The following LAMA2 variants were observed in gnomAD, a reference collection of about 807,000 sequenced individuals.
LAMA2 encodes laminin subunit alpha-2.
Under a neutral mutation model 364.8 loss-of-function variants are expected in LAMA2, and 269 were observed. The ratio of observed to expected loss-of-function variants is 0.74; its 90% CI spans 0.67 to 0.82. LAMA2 has a LOEUF of 0.82. Ranked by LOEUF, LAMA2 falls within the 40% of genes least tolerant of loss-of-function variation. The pLI, the probability that LAMA2 is intolerant of heterozygous loss-of-function variation, is 0.00. For missense variants in LAMA2, 3,807 were observed against 3,873.2 expected (o/e 0.98, Z 0.45); for synonymous variants, 1,379 against 1,370.6 (o/e 1.01, Z -0.14).
At chr6:129,492,127 G>A (rs766090198) in intron 57 of LAMA2, 50 bp downstream of exon 57, 1 of 1,538,294 alleles carries the variant, frequency 6.5e-7, no homozygotes, top group Admixed American at 1.7e-5. Flanking sequence ...TTTATTTCTT[G>A]CTATTAGGGG....
intron 4 of LAMA2, among the ~76,000 whole-genome samples, chr6:129,109,043 A>G (rs1252783195): frequency 1.3e-5 from 2 of 152,094 alleles, no homozygotes. Flanking sequence ...CTTCCTTCCA[A>G]TATACCTGTA....
chr6:129,383,096 T>C lies in LAMA2; in HGVS notation c.4960-26T>C, dbSNP rs1203370892. 4 of 1,573,856 alleles carry C rather than the reference T, an allele frequency of 2.5e-6. No individual in the cohort carries two copies. In the African/African-American group the frequency reaches 4.0e-5, roughly 16 times the overall value. ...GTAGCTTCATCATCTCTATTAATTA[T>C]GTGTTTCCCGAATTTGGATCATTAG... On this transcript the variant is annotated intron_variant, in intron 34 of 64. Coordinates refer to ENST00000421865, the MANE Select transcript of LAMA2 (RefSeq NM_000426.4).
chr6:129,338,285 T>A (rs1339323424), intron 29 of LAMA2, among the ~76,000 whole-genome samples: 1 of 152,200 alleles, frequency 6.6e-6, no homozygotes, highest in Non-Finnish European at 1.5e-5. Context: ...TTGTTGAAGA[T>A]CCCATGTATT....
chr6:129,156,074 G>A (rs930056329), intron 8 of LAMA2, among the ~76,000 whole-genome samples: 8 of 151,674 alleles, frequency 5.3e-5, no homozygotes, highest in Admixed American at 3.9e-4. Context: ...AAAATGCTGA[G>A]AGTAGATTTT....
intron 1 of LAMA2, among the ~76,000 whole-genome samples, chr6:128,976,554 G>T (rs1043779633): frequency 6.6e-6 from 1 of 152,112 alleles, no homozygotes; most frequent in Non-Finnish European, 1.5e-5. Flanking sequence ...GCTTGAGGGT[G>T]TACTCTACAT....
chr6:129,401,066 C>G (rs572392890), intron 37 of LAMA2, among the ~76,000 whole-genome samples, 158 bp from the exon 38 acceptor site: 1 of 152,324 alleles, frequency 6.6e-6, no homozygotes, highest in South Asian at 2.1e-4. Context: ...TCTTCAAGGA[C>G]TGGCTAAGTA....
intron 1 of LAMA2, among the ~76,000 whole-genome samples, chr6:128,911,343 G>A (rs374295633): frequency 4.6e-5 from 7 of 152,164 alleles, no homozygotes; most frequent in Admixed American, 1.3e-4. Context: ...CTCGTGGTTC[G>A]CCGTTTTTTA....
At chr6:129,062,602 C>T (rs771710234) in intron 3 of LAMA2, among the ~76,000 whole-genome samples, 13 of 152,108 alleles carry the variant, frequency 8.5e-5, no homozygotes, top group Non-Finnish European at 1.6e-4. Context: ...AATGGCAAAG[C>T]TTCTGTCTTT....
chr6:129,064,561 A>G (rs182574456), intron 3 of LAMA2, among the ~76,000 whole-genome samples: 1 of 152,216 alleles, frequency 6.6e-6, no homozygotes, highest in Admixed American at 6.5e-5. Flanking sequence ...TAAACTTTCT[A>G]AGAAAAAAGA....
At chr6:129,490,382 A>G (rs1784800331) in intron 56 of LAMA2, among the ~76,000 whole-genome samples, 1 of 152,170 alleles carries the variant, frequency 6.6e-6, no homozygotes, top group Non-Finnish European at 1.5e-5. Context: ...CTCATTCTCC[A>G]TCACCACCCT....
At chr6:129,203,921 C>G (rs1414039302) in intron 12 of LAMA2, among the ~76,000 whole-genome samples, 2 of 152,202 alleles carry the variant, frequency 1.3e-5, no homozygotes, top group African/African-American at 4.8e-5. Flanking sequence ...CCTTAGCACA[C>G]AGAAGCTGTC....
chr6:129,483,607 C>T (rs930409181), intron 55 of LAMA2, among the ~76,000 whole-genome samples: 3 of 152,070 alleles, frequency 2.0e-5, no homozygotes, highest in African/African-American at 7.2e-5. Context: ...AAAATATCAC[C>T]TTATTTTTCT....
At chr6:129,210,928 T>G (rs1381708534) in intron 12 of LAMA2, among the ~76,000 whole-genome samples, 2 of 152,120 alleles carry the variant, frequency 1.3e-5, no homozygotes, top group South Asian at 4.1e-4. Flanking sequence ...CTTGTTACAG[T>G]GGCCAGTAGG....
chr6:129,353,749 A>C (rs1776999382), intron 32 of LAMA2, among the ~76,000 whole-genome samples: 1 of 152,226 alleles, frequency 6.6e-6, no homozygotes, highest in Non-Finnish European at 1.5e-5. Flanking sequence ...AATCGACTGG[A>C]CAGATACTTT....
intron 17 of LAMA2, among the ~76,000 whole-genome samples, chr6:129,272,951 TG>T (rs1788047507): frequency 6.6e-6 from 1 of 152,114 alleles, no homozygotes; most frequent in Non-Finnish European, 1.5e-5. Flanking sequence ...AAGAAGTACC[TG>T]GTGCCAAAAA....
At chr6:129,172,901 A>C (rs1050928208) in intron 9 of LAMA2, among the ~76,000 whole-genome samples, 3 of 152,226 alleles carry the variant, frequency 2.0e-5, no homozygotes, top group Non-Finnish European at 2.9e-5. Context: ...CCCGTCGGAA[A>C]AGCGCAGTAT....
intron 1 of LAMA2, among the ~76,000 whole-genome samples, chr6:128,905,868 A>C (rs893869868): frequency 1.3e-5 from 2 of 151,234 alleles, no homozygotes; most frequent in Non-Finnish European, 2.9e-5. Flanking sequence ...CCCACCTATG[A>C]TTGAGAACAT....
rs149064338 is a variant in LAMA2 at position 129,204,926 on chromosome 6, G to A, written c.1782+12073G>A. 3.5e-4 allele frequency among the ~76,000 whole-genome samples: 53 copies of A among 152,188 alleles called. 1 individual carries two copies. Among genetic ancestry groups the A allele is most frequent in the African/African-American group, 1.2e-3 (49 of 41,532 alleles). On this transcript the variant is annotated intron_variant, in intron 12 of 64. Transcript: ENST00000421865. ...TAAATGGCTCTTAAATGTATGAAACGGTACTCAACCCGACTCATAGTATGC... is the reference window on the plus strand; with the variant it reads ...TAAATGGCTCTTAAATGTATGAAACAGTACTCAACCCGACTCATAGTATGC...
At chr6:129,119,327 C>G (rs1238571981) in intron 4 of LAMA2, among the ~76,000 whole-genome samples, 4 of 152,152 alleles carry the variant, frequency 2.6e-5, no homozygotes, top group Admixed American at 2.6e-4. Context: ...TAGTATTCCA[C>G]TGAAATGTAA....
Sources: allele counts gnomAD v4.1 joint callset (sites outside exome capture counted in the v4.1 genomes callset), GRCh38; gene constraint gnomAD v4.1.1; transcripts MANE v1.5; gene names NCBI Gene and HGNC (gene_info 2026-07-23, HGNC 2026-07-21).